The following MGAT4C variants were observed in gnomAD, a reference collection of about 807,000 sequenced individuals.
MGAT4C encodes the protein alpha-1,3-mannosyl-glycoprotein 4-beta-N-acetylglucosaminyltransferase C.
A neutral mutation model predicts 40.1 loss-of-function variants in MGAT4C; 19 were observed. That is an observed-to-expected ratio of 0.47 (90% CI 0.33 to 0.70). The LOEUF (loss-of-function observed/expected upper bound fraction) is 0.70. MGAT4C is among the 30% of genes least tolerant of loss of function. The pLI is 0.02. For missense variants in MGAT4C, 491 were observed against 563.2 expected (o/e 0.87, Z 1.30); for synonymous variants, 181 against 187.1 (o/e 0.97, Z 0.27).
At chr12:86,008,593 A>G (rs1888138845) in intron 2 of MGAT4C, among the ~76,000 whole-genome samples, 1 of 152,040 alleles carries the variant, frequency 6.6e-6, no homozygotes, top group Non-Finnish European at 1.5e-5. Context: ...TGTTGCTGTT[A>G]TTGCTGCCTT....
chr12:86,499,372 C>CTA (rs996543082), intron 2 of MGAT4C, among the ~76,000 whole-genome samples: 1 of 151,228 alleles, frequency 6.6e-6, no homozygotes, highest in Non-Finnish European at 1.5e-5. Context: ...ACATATACAC[C>CTA]TATATATATA....
Position 85,983,536 on chromosome 12 carries a change from A to G in MGAT4C, c.282T>C (p.Pro94=), listed in dbSNP as rs111495386. ...NVTYRYLAAT[P]LQRKRYLTIG... ...AAGGATACTTACGCTTTCTTTGTAA[A>G]GGTGTGGCAGCTAGGTAGCGATAGG... Residue 94 remains proline (P), a synonymous_variant, in exon 4 of 5, where the codon CCT becomes CCC. Transcript: ENST00000611864. 10 of 1,563,942 alleles carry G rather than the reference A, an allele frequency of 6.4e-6. No individual in the cohort carries two copies. The highest frequency in any genetic ancestry group is 8.6e-6 in the Non-Finnish European group (10 of 1,161,600).
chr12:86,815,402 G>A (rs1952581526), intron 1 of MGAT4C, among the ~76,000 whole-genome samples: 1 of 151,908 alleles, frequency 6.6e-6, no homozygotes, highest in Non-Finnish European at 1.5e-5. Context: ...TGGTGGGAAT[G>A]TAAACTAATA....
At chr12:86,661,407 T>C (rs1453902853) in intron 2 of MGAT4C, among the ~76,000 whole-genome samples, 1 of 151,974 alleles carries the variant, frequency 6.6e-6, no homozygotes, top group African/African-American at 2.4e-5. Context: ...ATATTTAAAA[T>C]GTAAAAAAAT....
At chr12:86,624,417 G>A (rs983448273) in intron 2 of MGAT4C, among the ~76,000 whole-genome samples, 32 of 152,100 alleles carry the variant, frequency 2.1e-4, no homozygotes, top group Admixed American at 2.1e-3. Context: ...TTGAAAACTT[G>A]CCCCAACATA....
chr12:86,137,324 T>C (rs1882116415), intron 1 of MGAT4C, among the ~76,000 whole-genome samples: 1 of 152,184 alleles, frequency 6.6e-6, no homozygotes, highest in Non-Finnish European at 1.5e-5. Flanking sequence ...ACCCTCATCC[T>C]TTATCATTGA....
At position 86,474,313 on chromosome 12, in the gene MGAT4C, T is replaced by C. The variant is rs111439266; in HGVS notation, c.-228-39048A>G. Among the ~76,000 whole-genome samples the C allele has an allele frequency of 3.4e-3, 468 of 137,558 alleles. 2 individuals carry two copies. The highest frequency in any genetic ancestry group is 0.012 in the African/African-American group (455 of 36,526). 90.2% of individuals were successfully genotyped at this position (137,558 alleles called of 152,430 possible). A position where few individuals can be genotyped will look rare whatever the true frequency, so the allele number is the denominator to read the frequency against. On this transcript the variant is annotated intron_variant, in intron 2 of 7. Coordinates refer to the MGAT4C transcript ENST00000548651. Reference sequence around the variant, plus strand: ...GCATTTTCTCACTCATAGGTGAGAATTGAACAATGAGAACACATGGACACA... The same window carrying C: ...GCATTTTCTCACTCATAGGTGAGAACTGAACAATGAGAACACATGGACACA...
In MGAT4C at chr12:86,834,612, C is replaced by CCACACACACACACA. The variant is rs148269576; in HGVS notation, c.-262+4040_-262+4053dup. Among the ~76,000 whole-genome samples, 621 of 148,276 alleles carry CCACACACACACACA rather than the reference C, an allele frequency of 4.2e-3. 1 individual carries two copies. The highest frequency in any genetic ancestry group is 0.013 in the African/African-American group (524 of 40,548). ...ACCTACTGTCTACTTCCCCCAACCA[C>CCACACACACACACA]CACACACACACACACACACACACAC... On this transcript the variant is annotated intron_variant, in intron 1 of 7. Transcript: ENST00000548651.
At chr12:86,303,636 A>C (rs868479816) in intron 4 of MGAT4C, among the ~76,000 whole-genome samples, 1 of 150,180 alleles carries the variant, frequency 6.7e-6, no homozygotes, top group Non-Finnish European at 1.5e-5. Flanking sequence ...TCATCAAGCT[A>C]TGTAACCTTA....
intron 1 of MGAT4C, among the ~76,000 whole-genome samples, chr12:86,771,579 G>C (rs1320656163): frequency 6.6e-6 from 1 of 152,076 alleles, no homozygotes; most frequent in Non-Finnish European, 1.5e-5. Flanking sequence ...TGGGCATGGT[G>C]GTTGATGCCT....
intron 4 of MGAT4C, among the ~76,000 whole-genome samples, chr12:86,289,587 G>A (rs1381818718): frequency 2.0e-5 from 3 of 152,134 alleles, no homozygotes; most frequent in Non-Finnish European, 4.4e-5. Flanking sequence ...TCTTTCAGCA[G>A]TGTTTGGTAA....
intron 1 of MGAT4C, among the ~76,000 whole-genome samples, chr12:86,067,432 T>C (rs1050931478): frequency 6.6e-6 from 1 of 151,988 alleles, no homozygotes; most frequent in African/African-American, 2.4e-5. Context: ...CTGGAAACCA[T>C]ACTTCTCAGC....
chr12:86,461,530 C>T (rs1158981719), intron 2 of MGAT4C, among the ~76,000 whole-genome samples: 1 of 152,136 alleles, frequency 6.6e-6, no homozygotes, highest in African/African-American at 2.4e-5. Flanking sequence ...CAGGCGTGAG[C>T]CACTGCGCCC....
intron 4 of MGAT4C, among the ~76,000 whole-genome samples, chr12:86,331,207 G>A (rs1288235806): frequency 3.3e-5 from 5 of 152,122 alleles, no homozygotes; most frequent in African/African-American, 1.2e-4. Flanking sequence ...GCTTTGACTT[G>A]GCATTTTGTA....
chr12:86,112,182 G>T (rs536087425), intron 1 of MGAT4C, among the ~76,000 whole-genome samples: 2 of 151,786 alleles, frequency 1.3e-5, no homozygotes, highest in South Asian at 2.1e-4. Flanking sequence ...TGAGATTCAG[G>T]TTTATGGCAA....
chr12:86,362,515 T>C (rs1227841263), intron 3 of MGAT4C, among the ~76,000 whole-genome samples: 1 of 151,716 alleles, frequency 6.6e-6, no homozygotes. Flanking sequence ...AATTCAAAAG[T>C]CGGATATTGT....
chr12:86,649,919 T>A, intron 2 of MGAT4C, among the ~76,000 whole-genome samples: 1 of 151,866 alleles, frequency 6.6e-6, no homozygotes, highest in East Asian at 1.9e-4. Context: ...TTAAAAATGT[T>A]AAAAAGAATT....
chr12:86,624,172 C>G (rs80139319), intron 2 of MGAT4C, among the ~76,000 whole-genome samples: 4,715 of 152,188 alleles, frequency 0.031, 122 homozygotes, highest in African/African-American at 0.074. Context: ...GTGATACCAA[C>G]TGAGGCAAGG....
chr12:86,700,275 T>C (rs1185577465), intron 2 of MGAT4C, among the ~76,000 whole-genome samples: 1 of 152,040 alleles, frequency 6.6e-6, no homozygotes, highest in Non-Finnish European at 1.5e-5. Flanking sequence ...AAGCCATACA[T>C]ATTAGTTTGA....
Sources: gnomAD v4.1 joint callset for allele counts (sites outside exome capture counted in the v4.1 genomes callset) on GRCh38, gnomAD v4.1.1 for gene constraint, MANE v1.5 for transcripts, NCBI Gene and HGNC (gene_info 2026-07-23, HGNC 2026-07-21) for gene names.